Variants in SLC25A48 observed in about 807,000 individuals in gnomAD.
The protein encoded by SLC25A48 is CTC-321K16.1.
A neutral mutation model predicts 32.2 loss-of-function variants in SLC25A48; 29 were observed. That is an observed-to-expected ratio of 0.90 (90% CI 0.67 to 1.23). SLC25A48 has a LOEUF of 1.23. Ranked by LOEUF, SLC25A48 falls within the 50% of genes most tolerant of loss-of-function variation. The pLI is 0.00. For missense variants in SLC25A48, 399 were observed against 422.7 expected (o/e 0.94, Z 0.49); for synonymous variants, 164 against 172.3 (o/e 0.95, Z 0.38).
chr5:135,837,683 A>G (rs941093050), intron 1 of SLC25A48, among the ~76,000 whole-genome samples: 12 of 151,936 alleles, frequency 7.9e-5, no homozygotes, highest in African/African-American at 2.2e-4. Flanking sequence ...TATAAAGGGG[A>G]GTTCCCTACA....
At chr5:135,814,696 C>T (rs983505112) in intron 4 of SLC25A48, among the ~76,000 whole-genome samples, 2 of 152,184 alleles carry the variant, frequency 1.3e-5, no homozygotes, top group Non-Finnish European at 2.9e-5. Flanking sequence ...GGATGGTGCT[C>T]TGAATCCCCA....
intron 1 of SLC25A48, among the ~76,000 whole-genome samples, chr5:135,603,898 C>T (rs1751865307): frequency 6.6e-6 from 1 of 151,710 alleles, no homozygotes; most frequent in Non-Finnish European, 1.5e-5. Flanking sequence ...GGTCTCTAAC[C>T]TCTACCGGGA....
intron 3 of SLC25A48, among the ~76,000 whole-genome samples, chr5:135,688,618 G>A (rs999921581): frequency 3.3e-5 from 5 of 152,210 alleles, no homozygotes; most frequent in Non-Finnish European, 5.9e-5. Context: ...TAAACATGCT[G>A]AAAAAACAAA....
intron 3 of SLC25A48, among the ~76,000 whole-genome samples, chr5:135,800,579 G>C (rs190546124): frequency 2.0e-4 from 30 of 151,800 alleles, no homozygotes; most frequent in Admixed American, 1.6e-3. Context: ...ATGAAGTTAT[G>C]CCCAATATCG....
chr5:135,620,853 A>G (rs1336475158), intron 1 of SLC25A48, among the ~76,000 whole-genome samples: 2 of 152,120 alleles, frequency 1.3e-5, no homozygotes, highest in Non-Finnish European at 2.9e-5. Context: ...GGGCTCTCCC[A>G]TGGCTAGGAT....
chr5:135,800,524 C>A (rs1020727661), intron 3 of SLC25A48, among the ~76,000 whole-genome samples: 2 of 151,816 alleles, frequency 1.3e-5, no homozygotes, highest in African/African-American at 4.8e-5. Context: ...AGGGGGTGTA[C>A]ACCCCGCCTG....
intron 3 of SLC25A48, among the ~76,000 whole-genome samples, chr5:135,638,835 A>G (rs1312496207): frequency 6.6e-6 from 1 of 152,238 alleles, no homozygotes; most frequent in Non-Finnish European, 1.5e-5. Context: ...TTTCAACTCT[A>G]TATAAGCACT....
At chr5:135,871,895 C>G (rs778357268) in intron 5 of SLC25A48, 177 bp downstream of exon 5, 1 of 1,494,088 alleles carries the variant, frequency 6.7e-7, no homozygotes, top group Non-Finnish European at 8.9e-7. Context: ...TCAGTCTCAT[C>G]CCTTCCCTAT....
intron 3 of SLC25A48, among the ~76,000 whole-genome samples, chr5:135,685,837 T>A (rs1754010910): frequency 6.6e-6 from 1 of 152,268 alleles, no homozygotes; most frequent in Non-Finnish European, 1.5e-5. Context: ...CAGTTGCAGC[T>A]GTTCTGCCTT....
At chr5:135,859,767 C>G (rs1327582212) in intron 4 of SLC25A48, among the ~76,000 whole-genome samples, 1 of 152,092 alleles carries the variant, frequency 6.6e-6, no homozygotes, top group Non-Finnish European at 1.5e-5. Context: ...TTTGTGGGTC[C>G]AGGAGCAGGG....
In SLC25A48 at chr5:135,852,580, G is replaced by A. The variant is rs1759966381; in HGVS notation, c.180G>A (p.Lys60=). ...YRRESMFGFF[K]GMSFPLASIA... ...CACTGCAGATGTTCGGCTTCTTCAAGGGCATGTCCTTCCCCCTCGCCAGCA... is the reference window on the plus strand; with the variant it reads ...CACTGCAGATGTTCGGCTTCTTCAAAGGCATGTCCTTCCCCCTCGCCAGCA... The change falls in exon 4 of 8, where the codon AAG becomes AAA. Residue 60 remains lysine, a synonymous_variant. Transcript: ENST00000681962. 1.3e-6 allele frequency: 2 copies of A among 1,597,022 alleles called. No individual in the cohort carries two copies. Among genetic ancestry groups the A allele is most frequent in the Non-Finnish European group, 1.7e-6 (2 of 1,165,850 alleles).
intron 1 of SLC25A48, among the ~76,000 whole-genome samples, chr5:135,835,493 G>A (rs1758424653): frequency 6.6e-6 from 1 of 152,070 alleles, no homozygotes; most frequent in South Asian, 2.1e-4. Context: ...CCTTCTCCGG[G>A]CACTGTTGGG....
upstream of SLC25A48, among the ~76,000 whole-genome samples, chr5:135,832,609 C>T (rs1758247233): frequency 6.6e-6 from 1 of 152,138 alleles, no homozygotes; most frequent in Non-Finnish European, 1.5e-5. Context: ...CTCTTACAGC[C>T]ACCTCTGTGT....
chr5:135,614,923 C>T (rs111732703), intron 1 of SLC25A48, among the ~76,000 whole-genome samples: 3 of 152,124 alleles, frequency 2.0e-5, no homozygotes, highest in African/African-American at 7.2e-5. Flanking sequence ...GTAGCACCTC[C>T]CCCTTTTGTC....
chr5:135,736,352 T>G (rs1755360253), intron 3 of SLC25A48, among the ~76,000 whole-genome samples: 1 of 152,150 alleles, frequency 6.6e-6, no homozygotes, highest in Admixed American at 6.5e-5. Context: ...TTGTCAAGTT[T>G]GTATTGGGGC....
intron 2 of SLC25A48, among the ~76,000 whole-genome samples, chr5:135,630,667 T>C (rs565193412): frequency 1.8e-4 from 25 of 140,962 alleles, no homozygotes; most frequent in Admixed American, 4.7e-4. Flanking sequence ...AGTGGAGTGA[T>C]CTTGGCTCAC....
intron 3 of SLC25A48, chr5:135,650,404 G>A (rs1753080511): frequency 2.2e-6 from 1 of 455,992 alleles, no homozygotes; most frequent in Non-Finnish European, 4.4e-6. Context: ...GATTGAGGAT[G>A]ATGCTTCCTT....
rs187113184 is a variant in SLC25A48, at chr5:135,773,027, G to C, written c.-520-39496G>C. Among the ~76,000 whole-genome samples the C allele has an allele frequency of 1.1e-4, 17 of 151,410 alleles. No individual in the cohort carries two copies. In the East Asian group the frequency reaches 3.3e-3, roughly 29 times the overall value. On this transcript the variant is annotated intron_variant, in intron 3 of 10. Transcript: ENST00000646290. The stretch of plus-strand genomic sequence containing the variant: ...GGATGGTATTACTCCCAATATCGCA[G>C]GGGGTGTACACTTCCCGGTAATATT...
chr5:135,787,600 G>A (rs368145614), intron 3 of SLC25A48, among the ~76,000 whole-genome samples: 1 of 151,788 alleles, frequency 6.6e-6, no homozygotes, highest in Non-Finnish European at 1.5e-5. Context: ...ATTTTCTAGG[G>A]GGATGTTACT....
Sources: allele counts gnomAD v4.1 joint callset (sites outside exome capture counted in the v4.1 genomes callset), GRCh38; gene constraint gnomAD v4.1.1; transcripts MANE v1.5; gene names NCBI Gene and HGNC (gene_info 2026-07-23, HGNC 2026-07-21).